PTK2: variants seen among roughly 807,000 people sequenced by gnomAD.
The protein encoded by PTK2 is protein tyrosine kinase 2, also known as focal adhesion kinase 1.
PTK2 carries 45 observed loss-of-function variants against 150.1 expected under a neutral mutation model. That is an observed-to-expected ratio of 0.30 (90% confidence interval 0.24 to 0.38). PTK2 has a LOEUF of 0.38. PTK2 is among the 10% of genes least tolerant of loss of function. The pLI is 1.00. For missense variants in PTK2, 919 were observed against 1,307.3 expected, an observed-to-expected ratio of 0.70 and a Z score of 4.58; for synonymous variants, 432 against 449.2, an observed-to-expected ratio of 0.96 and a Z score of 0.48.
At chr8:140,722,806 G>GA (rs892890795) in intron 22 of PTK2, among the ~76,000 whole-genome samples, 68 of 151,974 alleles carry the variant, frequency 4.5e-4, no homozygotes, top group African/African-American at 1.5e-3. Context: ...TAAAAATCAA[G>GA]AAAAAAAATT....
At chr8:140,813,535 C>T (rs1227018920) in intron 10 of PTK2, among the ~76,000 whole-genome samples, 1 of 151,540 alleles carries the variant, frequency 6.6e-6, no homozygotes. Context: ...ATAAACTGCT[C>T]CCAAATGACT....
At chr8:140,809,431 T>C (rs1297159458) in intron 10 of PTK2, among the ~76,000 whole-genome samples, 3 of 152,192 alleles carry the variant, frequency 2.0e-5, no homozygotes, top group Non-Finnish European at 4.4e-5. Context: ...GGCAACTCTA[T>C]GGCAGCAAGA....
chr8:140,762,994 T>C (rs980011811), intron 15 of PTK2, among the ~76,000 whole-genome samples: 3 of 152,156 alleles, frequency 2.0e-5, no homozygotes, highest in Non-Finnish European at 4.4e-5. Context: ...GTCACCTAGG[T>C]TGGTAACGTA....
intron 1 of PTK2, among the ~76,000 whole-genome samples, chr8:140,992,315 C>G (rs1425045218): frequency 7.1e-6 from 1 of 140,998 alleles, no homozygotes; most frequent in Non-Finnish European, 1.6e-5. Flanking sequence ...AAAAAAAATA[C>G]AAAAATTAGC....
intron 14 of PTK2, among the ~76,000 whole-genome samples, chr8:140,783,505 A>C (rs2100083077): frequency 1.3e-5 from 2 of 152,210 alleles, no homozygotes; most frequent in African/African-American, 4.8e-5. Flanking sequence ...TGTATTTATA[A>C]GTGGCATAGT....
intron 14 of PTK2, among the ~76,000 whole-genome samples, chr8:140,766,212 C>G (rs2100072186): frequency 6.6e-6 from 1 of 152,180 alleles, no homozygotes; most frequent in Non-Finnish European, 1.5e-5. Context: ...CTTGTCACCA[C>G]AGCTTCATAT....
chr8:140,821,799 T>C (rs186075670), intron 8 of PTK2: 2 of 152,328 alleles, frequency 1.3e-5, no homozygotes, highest in Admixed American at 1.3e-4. Flanking sequence ...ATAGCTGTTT[T>C]GAAAAGGATT....
chr8:140,912,633 A>G (rs1166152404), intron 2 of PTK2, among the ~76,000 whole-genome samples: 1 of 152,124 alleles, frequency 6.6e-6, no homozygotes, highest in African/African-American at 2.4e-5. Flanking sequence ...ACCTCTCAGA[A>G]ACCTAAGAAT....
At chr8:140,776,116 G>A (rs1476559905) in intron 14 of PTK2, among the ~76,000 whole-genome samples, 2 of 152,152 alleles carry the variant, frequency 1.3e-5, no homozygotes, top group African/African-American at 2.4e-5. Context: ...TGATTCTCGT[G>A]CCTAAGCCTC....
At chr8:140,944,226 C>T (rs1267011731) in intron 1 of PTK2, among the ~76,000 whole-genome samples, 1 of 152,206 alleles carries the variant, frequency 6.6e-6, no homozygotes. Context: ...ACACTCTTCC[C>T]TCAGTATAAG....
intron 7 of PTK2, among the ~76,000 whole-genome samples, chr8:140,832,158 G>A (rs554772973): frequency 2.0e-5 from 3 of 152,150 alleles, no homozygotes; most frequent in Admixed American, 6.5e-5. Flanking sequence ...GGCTTCGAGC[G>A]ATTCTCGTGC....
chr8:140,988,356 T>C (rs1422209622), intron 1 of PTK2, among the ~76,000 whole-genome samples: 3 of 152,186 alleles, frequency 2.0e-5, no homozygotes, highest in African/African-American at 4.8e-5. Flanking sequence ...CACAATGAGA[T>C]AAGACTTATT....
intron 19 of PTK2, among the ~76,000 whole-genome samples, chr8:140,744,028 C>T (rs1319434154): frequency 1.3e-5 from 2 of 151,200 alleles, no homozygotes; most frequent in Middle Eastern, 3.5e-3. Flanking sequence ...CTGCCCGCTT[C>T]GGCCTCCCAA....
In PTK2 at chr8:140,824,033, GTTC is replaced by G. The variant is rs1469142955; in HGVS notation, c.649-5016_649-5014del. On this transcript the variant is annotated intron_variant, in intron 8 of 31. Transcript: ENST00000522684. ...GAATCTTAAAAAGAAGTTGTGTGCT[GTTC>G]TTCTACAACAGGGATTGAAGCCATC... Among the ~76,000 whole-genome samples the G allele has an allele frequency of 6.6e-5, 10 of 152,286 alleles. 2 individuals are homozygous for G. The highest frequency in any genetic ancestry group is 2.4e-4 in the African/African-American group (10 of 41,548).
chr8:140,751,117 G>A (rs2100062409), intron 17 of PTK2, among the ~76,000 whole-genome samples: 1 of 151,982 alleles, frequency 6.6e-6, no homozygotes, highest in African/African-American at 2.4e-5. Context: ...AAAGTCACCT[G>A]GGAAGCCGTC....
At chr8:140,949,506 G>A (rs2100178798) in intron 1 of PTK2, among the ~76,000 whole-genome samples, 1 of 152,214 alleles carries the variant, frequency 6.6e-6, no homozygotes, top group Admixed American at 6.5e-5. Flanking sequence ...ACAGGCTCCT[G>A]GCCTCTCCCC....
rs566971105 is a variant in PTK2 at position 140,804,712 on chromosome 8, G to C, written c.868-1062C>G. ...GCATGGCGAACAGATGATGCCACTA[G>C]AACGGAGTTGGAATTGTTCAGAAAG... On this transcript the variant is annotated intron_variant, in intron 10 of 31. Transcript: ENST00000522684. Among the ~76,000 whole-genome samples the C allele has an allele frequency of 2.0e-4, 31 of 152,308 alleles. No individual in the cohort carries two copies. The East Asian group carries it at 4.8e-3, about 24-fold the overall frequency.
intron 1 of PTK2, among the ~76,000 whole-genome samples, chr8:140,962,289 AAGGG>A (rs1296629189): frequency 4.3e-5 from 4 of 92,856 alleles, no homozygotes; most frequent in South Asian, 4.1e-4. Flanking sequence ...GGGAGGGAGG[AAGGG>A]AGGGAGGGAG....
chr8:140,840,052 G>A (rs1018972431), intron 7 of PTK2, among the ~76,000 whole-genome samples: 2 of 152,126 alleles, frequency 1.3e-5, no homozygotes, highest in Non-Finnish European at 2.9e-5. Flanking sequence ...CAGAAGGGTG[G>A]TCTGAGATAC....
Sources: allele counts gnomAD v4.1 joint callset (sites outside exome capture counted in the v4.1 genomes callset), GRCh38; gene constraint gnomAD v4.1.1; transcripts MANE v1.5; gene names NCBI Gene and HGNC (gene_info 2026-07-23, HGNC 2026-07-21).